Variants in CDH12 observed in about 807,000 individuals in gnomAD.
CDH12 encodes cadherin 12.
In CDH12, 41 loss-of-function variants were observed where a neutral mutation model predicts 74.1. The ratio of observed to expected loss-of-function variants is 0.55; its 90% CI spans 0.43 to 0.72. CDH12 has a LOEUF of 0.72. Ranked by LOEUF, CDH12 falls within the 30% of genes least tolerant of loss-of-function variation. The pLI is 0.00. For missense variants in CDH12, 945 were observed against 977.2 expected (o/e 0.97, Z 0.44); for synonymous variants, 399 against 355.0 (o/e 1.12, Z -1.39).
At position 21,806,690 on chromosome 5, in the gene CDH12, T is replaced by G. The variant is rs1374416483; in HGVS notation, c.1003-4270A>C. On this transcript the variant is annotated intron_variant, in intron 9 of 14. Transcript: ENST00000382254. Reference sequence around the variant, plus strand: ...CATGTCAGTAATTTTTCAGCAAACCTTTTGTGGCCCAAGAGCCTATATCTC... The same window carrying G: ...CATGTCAGTAATTTTTCAGCAAACCGTTTGTGGCCCAAGAGCCTATATCTC... Among the ~76,000 whole-genome samples the G allele has an allele frequency of 2.0e-5, 3 of 152,188 alleles. No homozygotes were observed. In the East Asian group the frequency reaches 5.8e-4, roughly 29 times the overall value.
intron 6 of CDH12, among the ~76,000 whole-genome samples, chr5:21,928,048 G>C (rs905063198): frequency 6.6e-6 from 1 of 151,932 alleles, no homozygotes; most frequent in East Asian, 1.9e-4. Context: ...CTCCAGCCTG[G>C]GAGACAGAGC....
chr5:22,547,565 A>G (rs571586736), intron 1 of CDH12, among the ~76,000 whole-genome samples: 16 of 152,184 alleles, frequency 1.1e-4, no homozygotes, highest in Non-Finnish European at 2.4e-4. Context: ...TTTCTGGTGC[A>G]TTCCAAATTT....
intron 1 of CDH12, among the ~76,000 whole-genome samples, chr5:22,622,758 A>G (rs2126842940): frequency 6.6e-6 from 1 of 152,300 alleles, no homozygotes; most frequent in African/African-American, 2.4e-5. Flanking sequence ...AGGAGTTGGT[A>G]CCATTCCCTC....
intron 4 of CDH12, among the ~76,000 whole-genome samples, chr5:22,095,745 C>T (rs191455590): frequency 1.1e-4 from 16 of 151,910 alleles, no homozygotes; most frequent in South Asian, 6.2e-4. Flanking sequence ...TTCCACACCC[C>T]GACCCCTTAT....
At chr5:22,275,864 C>T (rs954553886) in intron 3 of CDH12, among the ~76,000 whole-genome samples, 7 of 152,118 alleles carry the variant, frequency 4.6e-5, no homozygotes, top group South Asian at 2.1e-4. Flanking sequence ...AAAACCTCTA[C>T]GACTAGTTCT....
chr5:21,815,812 C>T (rs1748007636), intron 9 of CDH12, among the ~76,000 whole-genome samples: 1 of 152,068 alleles, frequency 6.6e-6, no homozygotes, highest in African/African-American at 2.4e-5. Flanking sequence ...TCAGAAGAAC[C>T]ATAAAAAGGC....
intron 7 of CDH12, among the ~76,000 whole-genome samples, chr5:21,850,503 G>A (rs1401110610): frequency 1.3e-5 from 2 of 151,680 alleles, no homozygotes; most frequent in East Asian, 1.9e-4. Flanking sequence ...GTATCATAAA[G>A]TGTTAGCTCA....
At chr5:21,826,143 G>A (rs1028784685) in intron 8 of CDH12, among the ~76,000 whole-genome samples, 2 of 152,022 alleles carry the variant, frequency 1.3e-5, no homozygotes, top group Non-Finnish European at 2.9e-5. Flanking sequence ...CTATCATTAT[G>A]CTAAACATTC....
intron 4 of CDH12, among the ~76,000 whole-genome samples, chr5:22,196,636 G>T (rs1207862267): frequency 1.3e-5 from 2 of 152,092 alleles, no homozygotes; most frequent in African/African-American, 4.8e-5. Flanking sequence ...CATCAAAAAA[G>T]GATATCTGCA....
At position 22,760,691 on chromosome 5, in the gene CDH12, A is replaced by C. The variant is rs1273436632; in HGVS notation, c.-523+92367T>G. 1.4e-4 allele frequency among the ~76,000 whole-genome samples: 21 copies of C among 151,228 alleles called. No homozygotes were observed. In the South Asian group the frequency reaches 2.3e-3, roughly 16 times the overall value. ...AAGACTCCGTCTCAAAAAAAAAAAAAAAAAAAAAACAAAAAAAAAAAGGTA... is the reference window on the plus strand; with the variant it reads ...AAGACTCCGTCTCAAAAAAAAAAAACAAAAAAAAACAAAAAAAAAAAGGTA... On this transcript the variant is annotated intron_variant, in intron 1 of 14. Coordinates refer to ENST00000382254, the MANE Select transcript of CDH12 (RefSeq NM_004061.5).
intron 3 of CDH12, among the ~76,000 whole-genome samples, chr5:22,385,677 A>G (rs1049051329): frequency 2.0e-5 from 3 of 152,118 alleles, no homozygotes; most frequent in African/African-American, 7.2e-5. Context: ...CTGTATTTTT[A>G]GTCTGTTCTT....
chr5:22,720,902 A>G (rs1743847944), intron 1 of CDH12, among the ~76,000 whole-genome samples: 1 of 152,184 alleles, frequency 6.6e-6, no homozygotes, highest in Non-Finnish European at 1.5e-5. Context: ...ATTGGAATTT[A>G]TGTTTAAAGG....
intron 3 of CDH12, among the ~76,000 whole-genome samples, chr5:22,309,468 A>G (rs895847287): frequency 3.9e-5 from 6 of 152,158 alleles, no homozygotes; most frequent in African/African-American, 9.7e-5. Context: ...AACTATTTTT[A>G]TTGTATAAAT....
intron 12 of CDH12, among the ~76,000 whole-genome samples, chr5:21,761,325 T>A (rs1256189369): frequency 6.6e-6 from 1 of 152,130 alleles, no homozygotes; most frequent in Admixed American, 6.6e-5. Flanking sequence ...TGCCCTTAAA[T>A]ACTTGGAGAA....
At chr5:22,460,818 T>C (rs1745478915) in intron 2 of CDH12, among the ~76,000 whole-genome samples, 1 of 140,032 alleles carries the variant, frequency 7.1e-6, no homozygotes, top group African/African-American at 2.6e-5. Flanking sequence ...CCTCCCAGTT[T>C]CAAGTGATTC....
chr5:22,802,636 CAG>C (rs754889843), intron 1 of CDH12, among the ~76,000 whole-genome samples: 54 of 152,084 alleles, frequency 3.6e-4, no homozygotes, highest in Non-Finnish European at 6.3e-4. Flanking sequence ...CTTGTATTTT[CAG>C]AGTGTCTTTT....
rs571769448 is a variant in CDH12 at position 22,012,728 on chromosome 5, T to C, written c.232-37343A>G. On this transcript the variant is annotated intron_variant, in intron 5 of 14. Coordinates refer to ENST00000382254, the MANE Select transcript of CDH12 (RefSeq NM_004061.5). Reference sequence around the variant, plus strand: ...ACCTTGATTTCAGTTTAGCCTCCACTACTTACTGGATTTGTGACCTTAAGC... The same window carrying C: ...ACCTTGATTTCAGTTTAGCCTCCACCACTTACTGGATTTGTGACCTTAAGC... Among the ~76,000 whole-genome samples, 6 of 148,544 alleles carry C rather than the reference T, an allele frequency of 4.0e-5. No individual in the cohort carries two copies. The East Asian group carries it at 1.2e-3, about 29-fold the overall frequency.
intron 5 of CDH12, among the ~76,000 whole-genome samples, chr5:22,033,664 TAGTCAAA>T (rs1452356389): frequency 2.6e-5 from 4 of 152,204 alleles, no homozygotes; most frequent in Admixed American, 1.3e-4. Flanking sequence ...TGTTTTTCTT[TAGTCAAA>T]AGTAATGTGG....
At chr5:22,182,480 A>C (rs1405656729) in intron 4 of CDH12, among the ~76,000 whole-genome samples, 1 of 152,166 alleles carries the variant, frequency 6.6e-6, no homozygotes, top group East Asian at 1.9e-4. Flanking sequence ...TTTCTCCATA[A>C]ATGCTCACCT....
Sources: gnomAD v4.1 joint callset for allele counts (sites outside exome capture counted in the v4.1 genomes callset) on GRCh38, gnomAD v4.1.1 for gene constraint, MANE v1.5 for transcripts, NCBI Gene and HGNC (gene_info 2026-07-23, HGNC 2026-07-21) for gene names.